Variants in RUNX1 observed in about 807,000 individuals in gnomAD.
RUNX1 encodes runt-related transcription factor 1.
In RUNX1, 19 loss-of-function variants were observed where a neutral mutation model predicts 42.8. That is an observed-to-expected ratio of 0.44 (90% CI 0.31 to 0.65). RUNX1 has a LOEUF of 0.65. RUNX1 is among the 30% of genes least tolerant of loss of function. The pLI, the probability that RUNX1 is intolerant of heterozygous loss-of-function variation, is 0.07. For synonymous variants in RUNX1, 271 were observed against 289.4 expected, an observed-to-expected ratio of 0.94 and a Z score of 0.64; for missense variants, 528 against 672.0, an observed-to-expected ratio of 0.79 and a Z score of 2.37.
At chr21:34,925,042 A>G (rs2058382852) in intron 2 of RUNX1, among the ~76,000 whole-genome samples, 2 of 151,630 alleles carry the variant, frequency 1.3e-5, no homozygotes, top group South Asian at 4.1e-4. Flanking sequence ...GGGCTTCAAC[A>G]TATGACTTTT....
intron 2 of RUNX1, among the ~76,000 whole-genome samples, chr21:35,001,791 C>G (rs950085117): frequency 6.6e-5 from 10 of 152,144 alleles, no homozygotes; most frequent in African/African-American, 2.4e-4. Flanking sequence ...TAAGTGAATT[C>G]TGCAAGCTTG....
At chr21:35,028,526 C>T (rs1034555630) in intron 2 of RUNX1, among the ~76,000 whole-genome samples, 5 of 152,244 alleles carry the variant, frequency 3.3e-5, no homozygotes, top group Admixed American at 1.3e-4. Flanking sequence ...TCTTCCTCTC[C>T]GAACTCTCTT....
intron 2 of RUNX1, among the ~76,000 whole-genome samples, chr21:34,976,861 TA>T (rs75849578): frequency 0.054 from 7,984 of 147,368 alleles, 421 homozygotes; most frequent in East Asian, 0.16. Context: ...GTAGAAAAGT[TA>T]AAAAAAAAAA....
At chr21:34,973,361 C>T (rs900616389) in intron 2 of RUNX1, among the ~76,000 whole-genome samples, 1 of 152,134 alleles carries the variant, frequency 6.6e-6, no homozygotes, top group Non-Finnish European at 1.5e-5. Flanking sequence ...AGCTCAAATC[C>T]CTGCAACGTA....
rs141828839 is a variant in RUNX1, at chr21:35,049,082, T to C, written c.-60+86A>G. ...CCCAAGCCCTATTAAAAAATGCACCTTTGTAAAAACAAATATTCAAATTGT... is the reference window on the plus strand; with the variant it reads ...CCCAAGCCCTATTAAAAAATGCACCCTTGTAAAAACAAATATTCAAATTGT... On this transcript the variant is annotated intron_variant, in intron 1 of 8. Transcript: ENST00000675419. 556 of 602,100 alleles carry C rather than the reference T, an allele frequency of 9.2e-4. 3 individuals carry two copies. In the African/African-American group the frequency reaches 9.5e-3, roughly 10 times the overall value. The allele number at this position is 602,100 out of a possible 1,614,324, so 37.3% of individuals were successfully genotyped here.
chr21:34,842,706 T>A (rs144407363), intron 6 of RUNX1, among the ~76,000 whole-genome samples: 1 of 151,940 alleles, frequency 6.6e-6, no homozygotes, highest in Non-Finnish European at 1.5e-5. Context: ...ATGGCACACA[T>A]GCACACACAT....
At chr21:34,855,190 C>T (rs917535076) in intron 6 of RUNX1, among the ~76,000 whole-genome samples, 1 of 152,152 alleles carries the variant, frequency 6.6e-6, no homozygotes, top group African/African-American at 2.4e-5. Flanking sequence ...CAAGACGGGT[C>T]AGTTAGGGTC....
chr21:35,033,090 T>G (rs773248753), intron 2 of RUNX1, among the ~76,000 whole-genome samples: 12 of 152,112 alleles, frequency 7.9e-5, no homozygotes, highest in Admixed American at 6.5e-4. Context: ...CTTCTATCTA[T>G]CCATCAATTT....
At chr21:35,023,393 A>C (rs1166327672) in intron 2 of RUNX1, among the ~76,000 whole-genome samples, 1 of 152,256 alleles carries the variant, frequency 6.6e-6, no homozygotes, top group East Asian at 1.9e-4. Context: ...TGCTGTAGGA[A>C]AAGCAGGCAG....
chr21:34,815,069 T>C (rs2056807004), intron 7 of RUNX1, among the ~76,000 whole-genome samples: 1 of 151,868 alleles, frequency 6.6e-6, no homozygotes, highest in African/African-American at 2.4e-5. Context: ...CCGTCTTCTT[T>C]GAAAAAAAAA....
At chr21:34,887,601 G>C (rs2058017780) in intron 3 of RUNX1, 2 of 1,090,920 alleles carry the variant, frequency 1.8e-6, no homozygotes, top group Non-Finnish European at 2.2e-6. Context: ...ATTATCTCCC[G>C]TAACAAGGCC....
chr21:34,834,829 C>T (rs1161689537), intron 6 of RUNX1, among the ~76,000 whole-genome samples: 4 of 152,154 alleles, frequency 2.6e-5, no homozygotes, highest in East Asian at 1.9e-4. Flanking sequence ...AGTGCTCCCC[C>T]AGTCTGGGCC....
rs1001736939 is a variant in RUNX1 at position 34,887,017 on chromosome 21, G to A, written c.177C>T (p.Gly59=). 6 of 1,601,944 alleles carry A rather than the reference G, an allele frequency of 3.7e-6. No homozygotes were observed. Among genetic ancestry groups the A allele is most frequent in the Non-Finnish European group, 5.1e-6 (6 of 1,178,148 alleles). Reference sequence around the variant, plus strand: ...CCAGGGCAGCGCCGGCGTCCGGGGCGCCCAGCGGCAACGCCTCGCTCATCT... The same window carrying A: ...CCAGGGCAGCGCCGGCGTCCGGGGCACCCAGCGGCAACGCCTCGCTCATCT... ...PGKMSEALPL[G]APDAGAALAG... The change falls in exon 4 of 9, where the codon GGC becomes GGT. Residue 59 remains glycine, a synonymous_variant. Transcript: ENST00000675419.
At chr21:34,874,852 T>C (rs1034239029) in intron 5 of RUNX1, among the ~76,000 whole-genome samples, 2 of 152,148 alleles carry the variant, frequency 1.3e-5, no homozygotes, top group African/African-American at 2.4e-5. Context: ...TCTATAATGC[T>C]TGTTGCTGAA....
At chr21:34,826,909 G>A (rs1195824175) in intron 7 of RUNX1, among the ~76,000 whole-genome samples, 1 of 152,338 alleles carries the variant, frequency 6.6e-6, no homozygotes, top group African/African-American at 2.4e-5. Flanking sequence ...AACAAGTTTG[G>A]AGGAGCAGGC....
intron 2 of RUNX1, among the ~76,000 whole-genome samples, chr21:35,005,430 C>G (rs1050002517): frequency 1.3e-5 from 2 of 152,154 alleles, no homozygotes; most frequent in Non-Finnish European, 2.9e-5. Context: ...GGCCCCACCC[C>G]ATACCCCACG....
chr21:34,863,028 C>T (rs922969538), intron 5 of RUNX1, among the ~76,000 whole-genome samples: 1 of 151,806 alleles, frequency 6.6e-6, no homozygotes, highest in African/African-American at 2.4e-5. Context: ...ACTTTTTAAA[C>T]ACCTTCCCAT....
At chr21:34,807,397 T>C (rs2056694635) in intron 7 of RUNX1, among the ~76,000 whole-genome samples, 1 of 152,280 alleles carries the variant, frequency 6.6e-6, no homozygotes, top group South Asian at 2.1e-4. Flanking sequence ...CTTCCTTGAT[T>C]GTGTGGCTGA....
chr21:34,889,484 G>T (rs1199818204), intron 3 of RUNX1, among the ~76,000 whole-genome samples: 1 of 152,154 alleles, frequency 6.6e-6, no homozygotes, highest in Non-Finnish European at 1.5e-5. Flanking sequence ...AGTCAGGAAA[G>T]ACCCCAAGAA....
Sources: gnomAD v4.1 joint callset for allele counts (sites outside exome capture counted in the v4.1 genomes callset) on GRCh38, gnomAD v4.1.1 for gene constraint, MANE v1.5 for transcripts, NCBI Gene and HGNC (gene_info 2026-07-23, HGNC 2026-07-21) for gene names.